TNFRSF10B: variants seen among roughly 807,000 people sequenced by gnomAD.
TNFRSF10B encodes the protein tumor necrosis factor receptor superfamily member 10B.
In TNFRSF10B, 35 loss-of-function variants were observed where a neutral mutation model predicts 41.4. The ratio of observed to expected loss-of-function variants is 0.85; its 90% CI spans 0.65 to 1.12. TNFRSF10B has a LOEUF of 1.12. Ranked by LOEUF, TNFRSF10B falls within the 50% of genes most tolerant of loss-of-function variation. The pLI is 0.00. For synonymous variants in TNFRSF10B, 230 were observed against 215.5 expected (o/e 1.07, Z -0.59); for missense variants, 584 against 552.7 (o/e 1.06, Z -0.57).
Position 23,068,772 on chromosome 8 carries a change from A to G in TNFRSF10B, c.123T>C (p.Val41=). The change falls in exon 1 of 9, where the codon GTT becomes GTC. Residue 41 remains valine (V), a synonymous_variant. Coordinates refer to ENST00000276431, the MANE Select transcript of TNFRSF10B (RefSeq NM_003842.5). ...GPRVPKTLVL[V]VAAVLLLVSA... Reference sequence around the variant, plus strand: ...TCACCAACAGCAGGACCGCGGCGACAACGAGCACAAGGGTCTTGGGGACCC... The same window carrying G: ...TCACCAACAGCAGGACCGCGGCGACGACGAGCACAAGGGTCTTGGGGACCC... The G allele has an allele frequency of 6.3e-7, 1 of 1,599,726 alleles. No homozygotes were observed.
In TNFRSF10B at chr8:23,020,527, A is replaced by T. The variant is rs1249613723; in HGVS notation, c.*2144T>A. 2.9e-5 allele frequency: 13 copies of T among 447,274 alleles called. No individual in the cohort carries two copies. The highest frequency in any genetic ancestry group is 2.0e-4 in the South Asian group (13 of 64,048). The allele number at this position is 447,274 out of a possible 1,614,324, so 27.7% of individuals were successfully genotyped here. Reference sequence around the variant, plus strand: ...ACCAACATGGTGAAACCCCGTCTCTACTAAAAATACAAAAATTAGCCAGGC... The same window carrying T: ...ACCAACATGGTGAAACCCCGTCTCTTCTAAAAATACAAAAATTAGCCAGGC... On this transcript the variant is annotated 3_prime_UTR_variant, in exon 9 of 9. Transcript: ENST00000276431.
At position 23,021,031 on chromosome 8, in the gene TNFRSF10B, G is replaced by C; in HGVS notation, c.*1640C>G. 1 of 454,050 alleles carries C rather than the reference G, an allele frequency of 2.2e-6. No homozygotes were observed. The highest frequency in any genetic ancestry group is 1.6e-5 in the South Asian group (1 of 64,480). 28.1% of individuals were successfully genotyped at this position (454,050 alleles called of 1,614,324 possible). A position where few individuals can be genotyped will look rare whatever the true frequency, so the allele number is the denominator to read the frequency against. ...GTGATCTTCAGGCAATTCTAACTTT[G>C]TCCCACCCAAACCAGTCCCGGAACA... On this transcript the variant is annotated 3_prime_UTR_variant, in exon 9 of 9. Coordinates refer to ENST00000276431, the MANE Select transcript of TNFRSF10B (RefSeq NM_003842.5).
intron 4 of TNFRSF10B, 86 bp from the exon 5 acceptor site, chr8:23,028,688 G>C: frequency 1.3e-6 from 2 of 1,529,092 alleles, no homozygotes; most frequent in Non-Finnish European, 1.8e-6. Flanking sequence ...TCCCTCCCCA[G>C]TGTCCCTGAG....
intron 1 of TNFRSF10B, 106 bp downstream of exon 1, chr8:23,068,645 C>A (rs1813073113): frequency 6.8e-7 from 1 of 1,473,420 alleles, no homozygotes; most frequent in Non-Finnish European, 9.0e-7. Flanking sequence ...CATGCCCGGC[C>A]GCAGGCGACC....
chr8:23,054,924 T>C (rs920917516), intron 1 of TNFRSF10B, among the ~76,000 whole-genome samples: 4 of 152,188 alleles, frequency 2.6e-5, no homozygotes, highest in Non-Finnish European at 5.9e-5. Flanking sequence ...AGGCCAAGTA[T>C]AATAAAGCAA....
At chr8:23,046,982 G>A (rs1812383373) in intron 1 of TNFRSF10B, among the ~76,000 whole-genome samples, 1 of 152,082 alleles carries the variant, frequency 6.6e-6, no homozygotes, top group Non-Finnish European at 1.5e-5. Flanking sequence ...TTAAATATAT[G>A]ACCTTAAACT....
rs758630524 is a variant in TNFRSF10B at position 23,027,763 on chromosome 8, A to C, written c.749-10T>G. 32 of 1,614,018 alleles carry C rather than the reference A, an allele frequency of 2.0e-5. No homozygotes were observed. Among genetic ancestry groups the C allele is most frequent in the Non-Finnish European group, 2.6e-5 (31 of 1,179,994 alleles). The stretch of plus-strand genomic sequence containing the variant: ...GGGTCCCCACCACCACCTAAAAAAG[A>C]AGCAGTCTCCTTAGCAGGAAGGGAG... On this transcript the variant is annotated splice_polypyrimidine_tract_variant and intron_variant, in intron 5 of 8. Coordinates refer to ENST00000276431, the MANE Select transcript of TNFRSF10B (RefSeq NM_003842.5).
chr8:23,058,903 T>C (rs1212139722), intron 1 of TNFRSF10B, among the ~76,000 whole-genome samples: 1 of 152,210 alleles, frequency 6.6e-6, no homozygotes, highest in Non-Finnish European at 1.5e-5. Context: ...AACATGAAAC[T>C]TATCTTTTAA....
chr8:23,038,899 G>C (rs1043029291), intron 2 of TNFRSF10B, among the ~76,000 whole-genome samples: 2 of 152,038 alleles, frequency 1.3e-5, no homozygotes, highest in Non-Finnish European at 2.9e-5. Flanking sequence ...GGGGCATGGG[G>C]ATGGTTTCAG....
intron 1 of TNFRSF10B, among the ~76,000 whole-genome samples, chr8:23,052,480 G>T (rs1812552346): frequency 1.3e-5 from 2 of 151,946 alleles, no homozygotes; most frequent in African/African-American, 4.8e-5. Flanking sequence ...TAGAGACGGG[G>T]TTTCACCGTG....
In TNFRSF10B at chr8:23,020,796, G is replaced by A. The variant is rs749888789; in HGVS notation, c.*1875C>T. On this transcript the variant is annotated 3_prime_UTR_variant, in exon 9 of 9. Coordinates refer to ENST00000276431, the MANE Select transcript of TNFRSF10B (RefSeq NM_003842.5). ...TGGAAGGGACAAGGGACCTGGGACC[G>A]GACTGGCACCTTCTGAGCCCTGAGG... 7.5e-5 allele frequency: 34 copies of A among 453,636 alleles called. No homozygotes were observed. Among genetic ancestry groups the A allele is most frequent in the East Asian group, 3.5e-4 (5 of 14,408 alleles). 28.1% of individuals were successfully genotyped at this position (453,636 alleles called of 1,614,324 possible). A position where few individuals can be genotyped will look rare whatever the true frequency, so the allele number is the denominator to read the frequency against.
intron 1 of TNFRSF10B, chr8:23,068,207 C>T: frequency 6.4e-6 from 1 of 156,136 alleles, no homozygotes; most frequent in South Asian, 1.8e-4. Flanking sequence ...TCTCCAGCTG[C>T]GCCCGCGACG....
At chr8:23,050,116 C>A (rs1283865078) in intron 1 of TNFRSF10B, among the ~76,000 whole-genome samples, 3 of 152,216 alleles carry the variant, frequency 2.0e-5, no homozygotes, top group African/African-American at 7.2e-5. Context: ...AGGCCAGGAG[C>A]CTATTGTTTT....
intron 2 of TNFRSF10B, among the ~76,000 whole-genome samples, chr8:23,034,163 G>A (rs917369918): frequency 1.3e-5 from 2 of 152,224 alleles, no homozygotes; most frequent in African/African-American, 2.4e-5. Flanking sequence ...GAAAGACGGA[G>A]AAGTACAGGA....
At chr8:23,038,671 G>A (rs1424311813) in intron 2 of TNFRSF10B, among the ~76,000 whole-genome samples, 1 of 152,154 alleles carries the variant, frequency 6.6e-6, no homozygotes, top group African/African-American at 2.4e-5. Flanking sequence ...CTGGAGAAAG[G>A]GTTAGTGCGT....
At chr8:23,029,792 A>C in intron 3 of TNFRSF10B, 71 bp from the exon 4 acceptor site, 1 of 1,441,572 alleles carries the variant, frequency 6.9e-7, no homozygotes, top group Non-Finnish European at 9.6e-7. Context: ...TCCCCACCCC[A>C]AGACCCTGCT....
intron 8 of TNFRSF10B, 101 bp downstream of exon 8, chr8:23,024,087 T>C: frequency 3.4e-6 from 5 of 1,472,662 alleles, no homozygotes; most frequent in Admixed American, 1.7e-5. Flanking sequence ...GCTTCCAGCA[T>C]GGAATACTCT....
chr8:23,061,054 T>C (rs1305397139), intron 1 of TNFRSF10B, among the ~76,000 whole-genome samples: 1 of 152,148 alleles, frequency 6.6e-6, no homozygotes, highest in Non-Finnish European at 1.5e-5. Flanking sequence ...CCCACGGCAA[T>C]TACCCATAAC....
chr8:23,027,613 G>A, intron 6 of TNFRSF10B, 109 bp downstream of exon 6: 1 of 1,495,948 alleles, frequency 6.7e-7, no homozygotes, highest in South Asian at 1.1e-5. Flanking sequence ...CCACTTCAGA[G>A]AGTCAGGGCA....
Sources: gnomAD v4.1 joint callset for allele counts (sites outside exome capture counted in the v4.1 genomes callset) on GRCh38, gnomAD v4.1.1 for gene constraint, MANE v1.5 for transcripts, NCBI Gene and HGNC (gene_info 2026-07-23, HGNC 2026-07-21) for gene names.